SYT9: variants seen among roughly 807,000 people sequenced by gnomAD.
SYT9 encodes the protein synaptotagmin-9.
SYT9 carries 22 observed loss-of-function variants against 48.4 expected under a neutral mutation model. That is an observed-to-expected ratio of 0.45 (90% CI 0.32 to 0.65). The LOEUF (loss-of-function observed/expected upper bound fraction) is 0.65. Ranked by LOEUF, SYT9 falls within the 30% of genes least tolerant of loss-of-function variation. The probability of loss-of-function intolerance (pLI) is 0.03; values close to 1 mark genes in which losing one functional copy is unlikely to be tolerated. For missense variants in SYT9, 577 were observed against 622.0 expected (o/e 0.93, Z 0.77); for synonymous variants, 265 against 245.0 (o/e 1.08, Z -0.76).
chr11:7,402,944 C>A (rs1846925079), intron 3 of SYT9, among the ~76,000 whole-genome samples: 1 of 152,094 alleles, frequency 6.6e-6, no homozygotes, highest in South Asian at 2.1e-4. Flanking sequence ...GTAATAATGG[C>A]AGACTATATA....
At chr11:7,293,112 A>C (rs1848723875) in intron 1 of SYT9, among the ~76,000 whole-genome samples, 1 of 152,194 alleles carries the variant, frequency 6.6e-6, no homozygotes, top group Middle Eastern at 3.2e-3. Flanking sequence ...ATGAGACAGC[A>C]CTTTGCAAAT....
chr11:7,398,892 C>A (rs1846818413), intron 3 of SYT9, among the ~76,000 whole-genome samples: 1 of 152,110 alleles, frequency 6.6e-6, no homozygotes, highest in African/African-American at 2.4e-5. Context: ...GTGTCTTCTC[C>A]ATGGACACTC....
At chr11:7,282,666 T>G (rs1048151380) in intron 1 of SYT9, among the ~76,000 whole-genome samples, 1 of 152,138 alleles carries the variant, frequency 6.6e-6, no homozygotes, top group East Asian at 1.9e-4. Flanking sequence ...TGGAGTAGCC[T>G]GTAGGCAGCA....
intron 3 of SYT9, among the ~76,000 whole-genome samples, chr11:7,409,524 T>C (rs956999562): frequency 1.3e-5 from 2 of 152,196 alleles, no homozygotes; most frequent in Non-Finnish European, 2.9e-5. Flanking sequence ...TTGGGAGACT[T>C]TGTATTACTG....
intron 5 of SYT9, among the ~76,000 whole-genome samples, chr11:7,419,753 C>T (rs1221477953): frequency 1.3e-5 from 2 of 152,060 alleles, no homozygotes; most frequent in Non-Finnish European, 2.9e-5. Context: ...AAAAATTGGC[C>T]AGGCATGGTG....
chr11:7,313,148 G>A (rs904670495), intron 2 of SYT9, among the ~76,000 whole-genome samples: 5 of 152,114 alleles, frequency 3.3e-5, no homozygotes, highest in Non-Finnish European at 7.4e-5. Flanking sequence ...AACCTTTAAA[G>A]CTCTGAGGTC....
At chr11:7,341,237 G>C (rs1219329668) in intron 3 of SYT9, among the ~76,000 whole-genome samples, 1 of 152,202 alleles carries the variant, frequency 6.6e-6, no homozygotes, top group Non-Finnish European at 1.5e-5. Context: ...GGACTCCTTT[G>C]AGTTGGAAAA....
At chr11:7,267,954 T>A (rs1848220938) in intron 1 of SYT9, among the ~76,000 whole-genome samples, 1 of 152,034 alleles carries the variant, frequency 6.6e-6, no homozygotes, top group Non-Finnish European at 1.5e-5. Flanking sequence ...ATGGCATACA[T>A]GCCAATGATG....
chr11:7,290,579 G>A (rs928037015), intron 1 of SYT9, among the ~76,000 whole-genome samples: 2 of 152,116 alleles, frequency 1.3e-5, no homozygotes, highest in African/African-American at 4.8e-5. Context: ...TAAACACACA[G>A]CTTCTTTGCC....
chr11:7,240,442 C>A (rs1022047672), intron 1 of SYT9, among the ~76,000 whole-genome samples: 4 of 152,218 alleles, frequency 2.6e-5, no homozygotes, highest in Middle Eastern at 3.4e-3. Context: ...TTTATAAAAC[C>A]TGTCTACTGT....
Position 7,468,484 on chromosome 11 carries a change from C to T in SYT9, c.*1684C>T, listed in dbSNP as rs1053482420. 12 of 394,968 alleles carry T rather than the reference C, an allele frequency of 3.0e-5. No homozygotes were observed. The highest frequency in any genetic ancestry group is 2.5e-4 in the African/African-American group (12 of 48,562). 24.5% of individuals were successfully genotyped at this position (394,968 alleles called of 1,614,324 possible). A position where few individuals can be genotyped will look rare whatever the true frequency, so the allele number is the denominator to read the frequency against. On this transcript the variant is annotated 3_prime_UTR_variant, in exon 7 of 7. Coordinates refer to ENST00000318881, the MANE Select transcript of SYT9 (RefSeq NM_175733.4). The stretch of plus-strand genomic sequence containing the variant: ...TAAGGAAAACTTGGCTTCCTCTGCT[C>T]AAGGTTCCCCTCTGCTCATCCCTCC...
At chr11:7,412,286 C>T (rs570019850) in intron 3 of SYT9, among the ~76,000 whole-genome samples, 61 of 152,206 alleles carry the variant, frequency 4.0e-4, no homozygotes, top group Non-Finnish European at 7.2e-4. Flanking sequence ...AATATCTGCA[C>T]ATCTGATGTA....
chr11:7,378,152 C>T (rs1478188532), intron 3 of SYT9, among the ~76,000 whole-genome samples: 1 of 149,266 alleles, frequency 6.7e-6, no homozygotes, highest in Non-Finnish European at 1.5e-5. Context: ...GAGAAGTGAG[C>T]AGGAGTTATT....
upstream of SYT9, among the ~76,000 whole-genome samples, chr11:7,251,510 C>A (rs967608196): frequency 2.6e-5 from 4 of 152,182 alleles, no homozygotes; most frequent in African/African-American, 9.7e-5. Flanking sequence ...CCCATAGGCC[C>A]ATGGTTCAAA....
At chr11:7,364,718 G>A (rs764442076) in intron 3 of SYT9, among the ~76,000 whole-genome samples, 2 of 152,118 alleles carry the variant, frequency 1.3e-5, no homozygotes, top group Non-Finnish European at 2.9e-5. Flanking sequence ...ATTTAAGATC[G>A]TTTTGTGACC....
intron 3 of SYT9, among the ~76,000 whole-genome samples, chr11:7,331,592 C>T (rs974339144): frequency 5.9e-5 from 9 of 152,002 alleles, no homozygotes; most frequent in African/African-American, 1.9e-4. Flanking sequence ...GACATGGTGG[C>T]GGGTGCCTAT....
At chr11:7,455,580 T>C (rs1272827926) in intron 6 of SYT9, among the ~76,000 whole-genome samples, 1 of 151,978 alleles carries the variant, frequency 6.6e-6, no homozygotes, top group East Asian at 1.9e-4. Flanking sequence ...ATCCAAGTGA[T>C]CCACCCACCT....
At chr11:7,276,051 TA>T (rs1453594580) in intron 1 of SYT9, among the ~76,000 whole-genome samples, 3 of 152,220 alleles carry the variant, frequency 2.0e-5, no homozygotes, top group Non-Finnish European at 4.4e-5. Flanking sequence ...GTCCAAATAT[TA>T]AGTGAGTGAA....
At chr11:7,367,477 T>G (rs7930845) in intron 3 of SYT9, among the ~76,000 whole-genome samples, 1 of 151,828 alleles carries the variant, frequency 6.6e-6, no homozygotes, top group African/African-American at 2.4e-5. Flanking sequence ...TTTTCTGTTA[T>G]CATAATTTCA....
Sources: gnomAD v4.1 joint callset for allele counts (sites outside exome capture counted in the v4.1 genomes callset) on GRCh38, gnomAD v4.1.1 for gene constraint, MANE v1.5 for transcripts, NCBI Gene and HGNC (gene_info 2026-07-23, HGNC 2026-07-21) for gene names.